Variants in PAX5 observed in about 807,000 individuals in gnomAD.
PAX5 encodes the protein paired box 5, also known as paired box protein Pax-5.
Under a neutral mutation model 43.7 loss-of-function variants are expected in PAX5, and 9 were observed. That is an observed-to-expected ratio of 0.21 (90% CI 0.12 to 0.36). PAX5 has a LOEUF of 0.36. Among genes scored for constraint, PAX5 ranks in the 10% least tolerant of loss-of-function variants. The pLI, the probability that PAX5 is intolerant of heterozygous loss-of-function variation, is 1.00. For synonymous variants in PAX5, 228 were observed against 214.3 expected (o/e 1.06, Z -0.56); for missense variants, 383 against 532.7 (o/e 0.72, Z 2.77).
chr9:36,842,557 T>C (rs1381090631), intron 9 of PAX5, among the ~76,000 whole-genome samples: 1 of 152,190 alleles, frequency 6.6e-6, no homozygotes, highest in African/African-American at 2.4e-5. Flanking sequence ...AATGAAAACA[T>C]CACCTCACAA....
chr9:36,876,142 C>T (rs978441217), intron 8 of PAX5, among the ~76,000 whole-genome samples: 7 of 152,218 alleles, frequency 4.6e-5, no homozygotes, highest in East Asian at 1.9e-4. Context: ...GGAGCAGGCC[C>T]CTCTCACTCC....
At chr9:36,979,871 A>G (rs1054903294) in intron 5 of PAX5, among the ~76,000 whole-genome samples, 3 of 152,214 alleles carry the variant, frequency 2.0e-5, no homozygotes, top group Admixed American at 1.3e-4. Context: ...GCCTGTCTAC[A>G]GCTCCTTGTG....
In PAX5 at chr9:36,836,519, TTACAAGTTTTCA is replaced by T. The variant is rs1156257466; in HGVS notation, c.*4029_*4040del. 2 of 233,044 alleles carry T rather than the reference TTACAAGTTTTCA, an allele frequency of 8.6e-6. No individual in the cohort carries two copies. Among genetic ancestry groups the T allele is most frequent in the Non-Finnish European group, 1.7e-5 (2 of 117,980 alleles). The allele number at this position is 233,044 out of a possible 1,614,324, so 14.4% of individuals were successfully genotyped here. ...TTTTTCTTTAGGCCGACAGAAAATTTTACAAGTTTTCATACTTGAATGCCACTCAGGGGGGCA... is the reference window on the plus strand; with the variant it reads ...TTTTTCTTTAGGCCGACAGAAAATTTTACTTGAATGCCACTCAGGGGGGCA... On this transcript the variant is annotated 3_prime_UTR_variant, in exon 10 of 10. Transcript: ENST00000358127.
intron 1 of PAX5, among the ~76,000 whole-genome samples, chr9:37,030,737 C>G (rs1157188164): frequency 1.3e-5 from 2 of 152,242 alleles, no homozygotes; most frequent in African/African-American, 4.8e-5. Context: ...GACACACCCC[C>G]TCCCGGCTTC....
intron 5 of PAX5, among the ~76,000 whole-genome samples, chr9:36,978,039 T>C (rs1835600330): frequency 6.6e-6 from 1 of 152,248 alleles, no homozygotes; most frequent in African/African-American, 2.4e-5. Context: ...GAACCTAATA[T>C]ACACTCTGAT....
chr9:36,882,156 G>A lies in PAX5; in HGVS notation c.911-51C>T, dbSNP rs1227273126. 9.1e-6 allele frequency: 13 copies of A among 1,431,982 alleles called. 1 individual carries two copies. The highest frequency in any genetic ancestry group is 2.0e-5 in the Admixed American group (1 of 49,752). 88.7% of individuals were successfully genotyped at this position (1,431,982 alleles called of 1,614,324 possible). A position where few individuals can be genotyped will look rare whatever the true frequency, so the allele number is the denominator to read the frequency against. The stretch of plus-strand genomic sequence containing the variant: ...AGGGTGAGCATCTTCGCGGCCAGCC[G>A]CTCATGTCCACAGCTCCCTGGACGC... On this transcript the variant is annotated intron_variant, in intron 7 of 9. Coordinates refer to ENST00000358127, the MANE Select transcript of PAX5 (RefSeq NM_016734.3). The surrounding 1 kb of genome is among the most constrained non-coding windows in gnomAD (Gnocchi z 4.4).
intron 6 of PAX5, 69 bp from the exon 7 acceptor site, chr9:36,923,553 G>A (rs368397506): frequency 7.2e-5 from 110 of 1,532,462 alleles, no homozygotes; most frequent in African/African-American, 3.0e-4. Flanking sequence ...CCAACTCCAC[G>A]TTCTGAGCTC....
intron 8 of PAX5, among the ~76,000 whole-genome samples, chr9:36,870,701 C>G (rs1389463586): frequency 6.6e-6 from 1 of 152,240 alleles, no homozygotes; most frequent in Non-Finnish European, 1.5e-5. Flanking sequence ...AGCCCAGGGC[C>G]TCTCCAGGGC....
chr9:36,887,289 G>T (rs898955257), intron 7 of PAX5, among the ~76,000 whole-genome samples: 3 of 152,008 alleles, frequency 2.0e-5, no homozygotes, highest in Non-Finnish European at 2.9e-5. Flanking sequence ...TTAAACAAAG[G>T]CTCAAAAGAT....
chr9:37,002,157 G>A (rs754672060), intron 5 of PAX5, among the ~76,000 whole-genome samples: 2 of 152,106 alleles, frequency 1.3e-5, no homozygotes, highest in Non-Finnish European at 2.9e-5. Context: ...CATCAGGGCT[G>A]AAGGCCTTCT....
At position 36,840,542 on chromosome 9, in the gene PAX5, C is replaced by G. The variant is rs781779853; in HGVS notation, c.*18G>C. ...CAATAGGTGCCATCAGTGTTTGGTGCCCGCCTGGCTCCAAGGGTCAGTGAC... is the reference window on the plus strand; with the variant it reads ...CAATAGGTGCCATCAGTGTTTGGTGGCCGCCTGGCTCCAAGGGTCAGTGAC... On this transcript the variant is annotated 3_prime_UTR_variant, in exon 10 of 10. Coordinates refer to ENST00000358127, the MANE Select transcript of PAX5 (RefSeq NM_016734.3). 4 of 1,574,448 alleles carry G rather than the reference C, an allele frequency of 2.5e-6. No individual in the cohort carries two copies. Among genetic ancestry groups the G allele is most frequent in the Non-Finnish European group, 2.6e-6 (3 of 1,160,648 alleles).
chr9:36,961,449 C>T (rs993312772), intron 6 of PAX5, among the ~76,000 whole-genome samples: 45 of 152,332 alleles, frequency 3.0e-4, no homozygotes, highest in African/African-American at 5.8e-4. Flanking sequence ...ATTTTGCACC[C>T]GTATTGATCT....
chr9:36,973,725 G>T (rs542773983), intron 5 of PAX5, among the ~76,000 whole-genome samples: 1 of 152,260 alleles, frequency 6.6e-6, no homozygotes, highest in South Asian at 2.1e-4. Context: ...TTTAAAAATG[G>T]CTGGGCATGG....
chr9:36,872,158 G>C (rs11515378), intron 8 of PAX5, among the ~76,000 whole-genome samples: 7,702 of 152,136 alleles, frequency 0.051, 233 homozygotes, highest in South Asian at 0.14. Flanking sequence ...CTTCCCGATC[G>C]AGACATGGGA....
intron 6 of PAX5, among the ~76,000 whole-genome samples, chr9:36,958,863 C>T (rs1564010379): frequency 6.6e-6 from 1 of 152,222 alleles, no homozygotes; most frequent in Non-Finnish European, 1.5e-5. Context: ...CCCCATGGGA[C>T]CTGGCCCTGA....
intron 3 of PAX5, among the ~76,000 whole-genome samples, chr9:37,014,383 C>T (rs1488605192): frequency 1.3e-5 from 2 of 152,168 alleles, no homozygotes; most frequent in African/African-American, 4.8e-5. Flanking sequence ...AGCATCTTAG[C>T]CTCCTGGACA....
At chr9:36,906,094 C>A (rs79790096) in intron 7 of PAX5, among the ~76,000 whole-genome samples, 1 of 152,044 alleles carries the variant, frequency 6.6e-6, no homozygotes, top group Non-Finnish European at 1.5e-5. Flanking sequence ...ACAGGACACA[C>A]GGTGCTCAAG....
intron 4 of PAX5, 128 bp from the exon 5 acceptor site, chr9:37,002,904 C>T: frequency 1.0e-5 from 12 of 1,193,412 alleles, no homozygotes; most frequent in Non-Finnish European, 1.4e-5. Flanking sequence ...CGCTGAGGAC[C>T]CTCGCTCTGC....
chr9:36,973,688 G>A (rs751996016), intron 5 of PAX5, among the ~76,000 whole-genome samples: 15 of 151,904 alleles, frequency 9.9e-5, no homozygotes, highest in Non-Finnish European at 1.8e-4. Flanking sequence ...GCAACATGGC[G>A]AGACCCCCAT....
Sources: allele counts gnomAD v4.1 joint callset (sites outside exome capture counted in the v4.1 genomes callset), GRCh38; gene constraint gnomAD v4.1.1; non-coding constraint Gnocchi (gnomAD v3.1); transcripts MANE v1.5; gene names NCBI Gene and HGNC (gene_info 2026-07-23, HGNC 2026-07-21).